The following WDR64 variants were observed in gnomAD, a reference collection of about 807,000 sequenced individuals.
WDR64 encodes the protein WD repeat-containing protein 64.
In WDR64, 112 loss-of-function variants were observed where a neutral mutation model predicts 139.3. That is an observed-to-expected ratio of 0.80 (90% CI 0.69 to 0.94). The LOEUF (loss-of-function observed/expected upper bound fraction) is 0.94, where lower values mean the gene tolerates loss of function less well. Ranked by LOEUF, WDR64 falls within the 40% of genes least tolerant of loss-of-function variation. The pLI is 0.00. For synonymous variants in WDR64, 444 were observed against 437.7 expected, an observed-to-expected ratio of 1.01 and a Z score of -0.18; for missense variants, 1,206 against 1,293.1, an observed-to-expected ratio of 0.93 and a Z score of 1.03.
At chr1:241,759,659 G>A (rs1670348368) in intron 15 of WDR64, among the ~76,000 whole-genome samples, 1 of 151,256 alleles carries the variant, frequency 6.6e-6, no homozygotes, top group Non-Finnish European at 1.5e-5. Flanking sequence ...ATCTATTCTG[G>A]AGACCATTAT....
At chr1:241,738,595 T>A in intron 11 of WDR64, 106 bp downstream of exon 11, 1 of 1,170,116 alleles carries the variant, frequency 8.5e-7, no homozygotes, top group Non-Finnish European at 1.2e-6. Flanking sequence ...ACTAGAAGGG[T>A]AATTTATCAA....
At chr1:241,758,396 T>G (rs1670293983) in intron 15 of WDR64, among the ~76,000 whole-genome samples, 2 of 152,098 alleles carry the variant, frequency 1.3e-5, no homozygotes, top group African/African-American at 4.8e-5. Flanking sequence ...ATACTGCCTT[T>G]CTGCTTCATT....
chr1:241,794,402 A>G (rs1459729503), intron 25 of WDR64, among the ~76,000 whole-genome samples: 2 of 152,046 alleles, frequency 1.3e-5, no homozygotes, highest in Non-Finnish European at 2.9e-5. Flanking sequence ...TTTTTTAAGT[A>G]ACTTAACTGA....
In WDR64 at chr1:241,656,609, T is replaced by C. The variant is rs963812138; in HGVS notation, c.146-3921T>C. Among the ~76,000 whole-genome samples the C allele has an allele frequency of 1.3e-5, 2 of 152,180 alleles. No individual in the cohort carries two copies. The highest frequency in any genetic ancestry group is 2.9e-5 in the Non-Finnish European group (2 of 68,032). On this transcript the variant is annotated intron_variant, in intron 1 of 27. Coordinates refer to ENST00000437684, the MANE Select transcript of WDR64 (RefSeq NM_001367482.1). The surrounding 1 kb of genome is among the most constrained non-coding windows in gnomAD (Gnocchi z 4.3). ...TTCCCATTGCCTTGCTTTTGGTAAA[T>C]AGATCAACATTTGCTGAGTTTTGAA... is the stretch of plus-strand genomic sequence containing the variant.
chr1:241,744,319 A>G, intron 12 of WDR64, 74 bp from the exon 13 acceptor site: 1 of 1,573,854 alleles, frequency 6.4e-7, no homozygotes, highest in African/African-American at 1.4e-5. Flanking sequence ...GCTGTTTTGA[A>G]TATGGTGTAA....
rs1658172367 is a variant in WDR64 at position 241,766,371 on chromosome 1, TAAAC to T, written c.2081+23_2081+26del. 1.9e-6 allele frequency: 3 copies of T among 1,610,432 alleles called. No homozygotes were observed. The highest frequency in any genetic ancestry group is 8.5e-7 in the Non-Finnish European group (1 of 1,178,210). On this transcript the variant is annotated intron_variant, in intron 16 of 27. Coordinates refer to ENST00000437684, the MANE Select transcript of WDR64 (RefSeq NM_001367482.1). ...AAAAGTGTAAGTTGTGTATTATCCT[TAAAC>T]AATGTAAAAGCTTTACTGCAGAAGG...
At chr1:241,721,166 G>A (rs567362546) in intron 9 of WDR64, among the ~76,000 whole-genome samples, 4 of 151,948 alleles carry the variant, frequency 2.6e-5, no homozygotes, top group Admixed American at 6.6e-5. Context: ...GTCTCTTTTC[G>A]TACCAGTACC....
At chr1:241,738,520 C>A in intron 11 of WDR64, 31 bp downstream of exon 11, 1 of 1,581,022 alleles carries the variant, frequency 6.3e-7, no homozygotes, top group Non-Finnish European at 8.6e-7. Context: ...TCAAACGAAA[C>A]TCATGTCTTG....
At chr1:241,719,418 G>A (rs12725727) in intron 9 of WDR64, among the ~76,000 whole-genome samples, 32,431 of 152,080 alleles carry the variant, frequency 0.21, 3,779 homozygotes, top group East Asian at 0.28. Flanking sequence ...GAGGCACATA[G>A]GTAGGGCACT....
At chr1:241,771,881 C>T (rs1221927481) in intron 19 of WDR64, among the ~76,000 whole-genome samples, 184 bp downstream of exon 19, 2 of 145,572 alleles carry the variant, frequency 1.4e-5, no homozygotes, top group African/African-American at 2.5e-5. Context: ...CATACCCACA[C>T]ACATATACAT....
rs566492255 is a variant in WDR64 at position 241,700,457 on chromosome 1, G to A, written c.975-11345G>A. On this transcript the variant is annotated intron_variant, in intron 8 of 27. Transcript: ENST00000437684. ...ACTGCTCTGAAGAGACAACATTTGA[G>A]CAGAGATATGAATGTGGTGAAGATC... Among the ~76,000 whole-genome samples the A allele has an allele frequency of 4.9e-4, 75 of 152,214 alleles. 2 individuals carry two copies. Among genetic ancestry groups the A allele is most frequent in the African/African-American group, 1.7e-3 (69 of 41,564 alleles).
intron 23 of WDR64, among the ~76,000 whole-genome samples, chr1:241,784,242 G>A (rs960094102): frequency 6.6e-6 from 1 of 152,158 alleles, no homozygotes; most frequent in Non-Finnish European, 1.5e-5. Flanking sequence ...TTACGTGGGG[G>A]AGTAATATGA....
At chr1:241,713,825 G>A (rs1392647187) in intron 9 of WDR64, among the ~76,000 whole-genome samples, 2 of 152,128 alleles carry the variant, frequency 1.3e-5, no homozygotes, top group African/African-American at 4.8e-5. Context: ...TCAAAGACAT[G>A]GGAAATTAAT....
chr1:241,660,929 C>T (rs1665809365), intron 2 of WDR64, among the ~76,000 whole-genome samples: 1 of 152,190 alleles, frequency 6.6e-6, no homozygotes, highest in African/African-American at 2.4e-5. Context: ...CCTCTAACAA[C>T]AACCAAGATT....
At position 241,652,442 on chromosome 1, in the gene WDR64, C is replaced by A. The variant is rs1456399485; in HGVS notation, c.-43C>A. 3.3e-6 allele frequency: 5 copies of A among 1,522,806 alleles called. No individual in the cohort carries two copies. Among genetic ancestry groups the A allele is most frequent in the Non-Finnish European group, 4.4e-6 (5 of 1,134,350 alleles). 94.3% of individuals were successfully genotyped at this position (1,522,806 alleles called of 1,614,324 possible). Reference sequence around the variant, plus strand: ...AAAGTTTTCCAAATTGGTAAACTTGCAGTATTCTTTCTGTACAGAAGTAAA... The same window carrying A: ...AAAGTTTTCCAAATTGGTAAACTTGAAGTATTCTTTCTGTACAGAAGTAAA... On this transcript the variant is annotated 5_prime_UTR_variant, in exon 1 of 28. Transcript: ENST00000437684.
chr1:241,784,463 A>C (rs1425864386), intron 23 of WDR64, among the ~76,000 whole-genome samples: 4 of 152,214 alleles, frequency 2.6e-5, no homozygotes, highest in Non-Finnish European at 5.9e-5. Flanking sequence ...AGGGGAGGTA[A>C]GTGATAAATG....
intron 24 of WDR64, among the ~76,000 whole-genome samples, chr1:241,789,846 G>A (rs1011169934): frequency 5.9e-5 from 9 of 152,140 alleles, no homozygotes; most frequent in Admixed American, 1.3e-4. Context: ...CAAGTTTACC[G>A]AAATAACAAA....
intron 10 of WDR64, among the ~76,000 whole-genome samples, chr1:241,732,122 G>A (rs1669104827): frequency 6.6e-6 from 1 of 152,106 alleles, no homozygotes; most frequent in Non-Finnish European, 1.5e-5. Flanking sequence ...TAGCCGTTGG[G>A]TAAAATTAGA....
chr1:241,783,491 T>C, intron 23 of WDR64, 110 bp downstream of exon 23: 1 of 751,986 alleles, frequency 1.3e-6, no homozygotes, highest in East Asian at 2.8e-5. Flanking sequence ...GGTAAACTGA[T>C]TTAAATAAAT....
Sources: allele counts gnomAD v4.1 joint callset (sites outside exome capture counted in the v4.1 genomes callset), GRCh38; gene constraint gnomAD v4.1.1; non-coding constraint Gnocchi (gnomAD v3.1); transcripts MANE v1.5; gene names NCBI Gene and HGNC (gene_info 2026-07-23, HGNC 2026-07-21).